Variants in KLF8 observed in about 807,000 individuals in gnomAD.
KLF8 encodes KLF transcription factor 8.
Under a neutral mutation model 18.2 loss-of-function variants are expected in KLF8, and 10 were observed. That is an observed-to-expected ratio of 0.55 (90% CI 0.34 to 0.93). The LOEUF is 0.93. Ranked by LOEUF, KLF8 falls within the 40% of genes least tolerant of loss-of-function variation. The pLI is 0.02. For missense variants in KLF8, 264 were observed against 277.9 expected, an observed-to-expected ratio of 0.95 and a Z score of 0.36; for synonymous variants, 109 against 97.3, an observed-to-expected ratio of 1.12 and a Z score of -0.71.
At chrX:55,938,775 A>C in the KLF8 span, among the ~76,000 whole-genome samples, 1 of 111,822 alleles carries the variant, frequency 8.9e-6, no homozygotes, top group South Asian at 3.8e-4. Context: ...AAAGAGACAA[A>C]GAAGACCATT....
Position 56,270,269 on chromosome X carries a change from C to T in KLF8, c.846C>T (p.Ser282=). The change falls in exon 5 of 6, where the codon AGC becomes AGT. Residue 282 remains serine (S), a synonymous_variant. Transcript: ENST00000468660. ...RIHQCDFAGC[S]KVYTKSSHLK... is the part of the protein sequence containing the mutation. ...ACCAATGTGACTTTGCAGGATGCAG[C>T]AAAGTGTACACCAAAAGCTCTCACC... 1 of 1,206,685 alleles carries T rather than the reference C, an allele frequency of 8.3e-7. No homozygotes were observed. Among genetic ancestry groups the T allele is most frequent in the South Asian group, 1.8e-5 (1 of 56,677 alleles).
At chrX:56,127,647 C>G in the KLF8 span, among the ~76,000 whole-genome samples, 3 of 111,442 alleles carry the variant, frequency 2.7e-5, no homozygotes, top group Non-Finnish European at 5.6e-5. Flanking sequence ...GCCTGAGTGA[C>G]AGAGCAAGGG....
At chrX:56,242,818 C>T in intron 1 of KLF8, 1 of 274,208 alleles carries the variant, frequency 3.6e-6, no homozygotes, top group South Asian at 4.2e-5. Context: ...GCCCCCACTT[C>T]CTTTTCTCTC....
rs2067300989 is a variant in KLF8 at position 56,289,416 on chromosome X, G to A, written c.*4922G>A. Among the ~76,000 whole-genome samples, 1 of 111,730 alleles carries A rather than the reference G, an allele frequency of 9.0e-6. No individual in the cohort carries two copies. The highest frequency in any genetic ancestry group is 1.9e-5 in the Non-Finnish European group (1 of 53,162). ...TTAGAAACCAATATCTGGGCATTAG[G>A]TATGTTCATTGTTACTGGGCTATTG... On this transcript the variant is annotated 3_prime_UTR_variant, in exon 6 of 6. Transcript: ENST00000468660.
At chrX:56,041,348 T>G in the KLF8 span, among the ~76,000 whole-genome samples, 1 of 111,512 alleles carries the variant, frequency 9.0e-6, no homozygotes, top group African/African-American at 3.3e-5. Flanking sequence ...CGTCTTGAAC[T>G]CCTGACCTCA....
chrX:56,138,469 A>G, the KLF8 span, among the ~76,000 whole-genome samples: 1 of 111,814 alleles, frequency 8.9e-6, no homozygotes, highest in East Asian at 2.8e-4. Context: ...CTCATCCACC[A>G]TAATCAAGTA....
At chrX:55,990,454 A>T in the KLF8 span, among the ~76,000 whole-genome samples, 2 of 112,209 alleles carry the variant, frequency 1.8e-5, no homozygotes, top group African/African-American at 6.5e-5. Flanking sequence ...TCATTTCATT[A>T]TGTACCCAGT....
At chrX:56,217,717 C>A in the KLF8 span, among the ~76,000 whole-genome samples, 1 of 111,927 alleles carries the variant, frequency 8.9e-6, no homozygotes, top group Admixed American at 9.5e-5. Context: ...CCGCACCCGG[C>A]TGTCAATTGT....
chrX:55,977,996 G>T, the KLF8 span, among the ~76,000 whole-genome samples: 3 of 110,500 alleles, frequency 2.7e-5, no homozygotes, highest in African/African-American at 9.9e-5. Flanking sequence ...TTGATGATCT[G>T]ATGGTTGGAG....
the KLF8 span, among the ~76,000 whole-genome samples, chrX:56,091,146 C>G: frequency 9.0e-6 from 1 of 111,060 alleles, no homozygotes; most frequent in Admixed American, 9.6e-5. Context: ...CCCCACATGT[C>G]GAGGGTGGGA....
chrX:56,180,226 A>G, the KLF8 span, among the ~76,000 whole-genome samples: 1 of 111,512 alleles, frequency 9.0e-6, no homozygotes, highest in Non-Finnish European at 1.9e-5. Flanking sequence ...ATGTCCAGGA[A>G]TTTATCCATT....
chrX:56,075,190 C>A, the KLF8 span, among the ~76,000 whole-genome samples: 3 of 109,611 alleles, frequency 2.7e-5, no homozygotes, highest in Non-Finnish European at 5.7e-5. Context: ...ATATTTCATT[C>A]TTTTTGATGC....
the KLF8 span, among the ~76,000 whole-genome samples, chrX:55,976,474 G>C: frequency 9.0e-6 from 1 of 110,514 alleles, no homozygotes; most frequent in African/African-American, 3.3e-5. Flanking sequence ...TTTGTGGCTT[G>C]CTTTTTTCAC....
the KLF8 span, among the ~76,000 whole-genome samples, chrX:56,133,544 C>T: frequency 1.8e-5 from 2 of 111,484 alleles, no homozygotes; most frequent in Non-Finnish European, 3.8e-5. Context: ...TATGACAAAC[C>T]CACAGCCAAC....
the KLF8 span, among the ~76,000 whole-genome samples, chrX:56,058,181 CAT>C: frequency 5.8e-5 from 5 of 85,841 alleles, no homozygotes; most frequent in East Asian, 3.6e-4. Flanking sequence ...TATATACACA[CAT>C]ATATATATAC....
the KLF8 span, among the ~76,000 whole-genome samples, chrX:56,065,911 C>T: frequency 1.8e-5 from 2 of 111,680 alleles, no homozygotes; most frequent in African/African-American, 6.5e-5. Flanking sequence ...GTATGCCTGT[C>T]TTCAGGCTTC....
chrX:56,268,981 G>T (rs1254191780), intron 3 of KLF8: 2 of 913,569 alleles, frequency 2.2e-6, no homozygotes, highest in Non-Finnish European at 2.7e-6. Flanking sequence ...AGGACAGCCA[G>T]GAGCTATTCA....
chrX:56,123,605 T>C, the KLF8 span, among the ~76,000 whole-genome samples: 65 of 112,268 alleles, frequency 5.8e-4, no homozygotes, highest in African/African-American at 2.0e-3. Flanking sequence ...TAAGTAAGTA[T>C]AAAGCCTTGT....
At chrX:55,962,899 A>G in the KLF8 span, among the ~76,000 whole-genome samples, 3 of 112,856 alleles carry the variant, frequency 2.7e-5, no homozygotes, top group South Asian at 1.1e-3. Context: ...ACCTACTTCT[A>G]TCATGAACAG....
Sources: gnomAD v4.1 joint callset for allele counts (sites outside exome capture counted in the v4.1 genomes callset) on GRCh38, gnomAD v4.1.1 for gene constraint, MANE v1.5 for transcripts, NCBI Gene and HGNC (gene_info 2026-07-23, HGNC 2026-07-21) for gene names.